RAD51: variants seen among roughly 807,000 people sequenced by gnomAD.
RAD51 encodes DNA repair protein RAD51 homolog 1.
A neutral mutation model predicts 41.5 loss-of-function variants in RAD51; 14 were observed. The ratio of observed to expected loss-of-function variants is 0.34; its 90% CI spans 0.22 to 0.53. RAD51 has a LOEUF of 0.53. Among genes scored for constraint, RAD51 ranks in the 20% least tolerant of loss-of-function variants. The pLI is 0.95. For missense variants in RAD51, 234 were observed against 422.0 expected (o/e 0.55, Z 3.90); for synonymous variants, 136 against 148.6 (o/e 0.92, Z 0.62).
intron 6 of RAD51, among the ~76,000 whole-genome samples, chr15:40,727,232 G>T (rs1896633082): frequency 6.6e-6 from 1 of 151,960 alleles, no homozygotes; most frequent in African/African-American, 2.4e-5. Flanking sequence ...AGAGTGCTGG[G>T]ATTACAAGCA....
intron 2 of RAD51, 143 bp from the exon 3 acceptor site, chr15:40,700,921 C>CT: frequency 3.7e-5 from 38 of 1,019,928 alleles, no homozygotes; most frequent in South Asian, 6.1e-5. Flanking sequence ...AACTTCCCAT[C>CT]TCCCCCCGCC....
At chr15:40,728,202 G>A (rs931289506) in intron 6 of RAD51, among the ~76,000 whole-genome samples, 11 of 152,104 alleles carry the variant, frequency 7.2e-5, no homozygotes, top group African/African-American at 2.4e-4. Context: ...GGTGGCTCAC[G>A]CCTGTAGTCC....
chr15:40,704,776 T>C (rs1173740177), intron 3 of RAD51, among the ~76,000 whole-genome samples: 2 of 151,400 alleles, frequency 1.3e-5, no homozygotes, highest in African/African-American at 4.9e-5. Flanking sequence ...TTCAAGTGAT[T>C]CTTCCACCTC....
chr15:40,708,989 T>C (rs45455000), intron 4 of RAD51, 36 bp from the exon 5 acceptor site: 3 of 1,510,510 alleles, frequency 2.0e-6, no homozygotes, highest in Non-Finnish European at 2.8e-6. Context: ...TACATGTTTG[T>C]ATTATGCTAA....
intron 5 of RAD51, among the ~76,000 whole-genome samples, 193 bp from the exon 6 acceptor site, chr15:40,718,610 GAC>G (rs1471753081): frequency 1.3e-5 from 2 of 152,028 alleles, no homozygotes; most frequent in Non-Finnish European, 2.9e-5. Flanking sequence ...TATGTACTGA[GAC>G]ACAATCAGCT....
At chr15:40,720,894 A>G (rs941721180) in intron 6 of RAD51, among the ~76,000 whole-genome samples, 1 of 152,226 alleles carries the variant, frequency 6.6e-6, no homozygotes, top group Admixed American at 6.5e-5. Flanking sequence ...CTAAAATGGC[A>G]TTCTTGGCCA....
chr15:40,703,726 C>T (rs1166771009), intron 3 of RAD51, among the ~76,000 whole-genome samples: 1 of 151,908 alleles, frequency 6.6e-6, no homozygotes, highest in Non-Finnish European at 1.5e-5. Context: ...TTTTCTCGGG[C>T]AATGCAGCTA....
At chr15:40,711,310 C>T (rs1029131136) in intron 5 of RAD51, among the ~76,000 whole-genome samples, 4 of 152,184 alleles carry the variant, frequency 2.6e-5, no homozygotes, top group Non-Finnish European at 5.9e-5. Context: ...TACCTGTGGT[C>T]CTAGCTACTC....
intron 5 of RAD51, among the ~76,000 whole-genome samples, chr15:40,711,123 G>A (rs1421772922): frequency 6.6e-6 from 1 of 152,128 alleles, no homozygotes; most frequent in Non-Finnish European, 1.5e-5. Context: ...AGGCCAGCAT[G>A]GTGTTTCATG....
At chr15:40,702,430 A>G (rs1895061672) in intron 3 of RAD51, among the ~76,000 whole-genome samples, 1 of 152,194 alleles carries the variant, frequency 6.6e-6, no homozygotes, top group Non-Finnish European at 1.5e-5. Flanking sequence ...TTGAGATGCA[A>G]TATGGTATAG....
At chr15:40,711,962 C>T (rs919814822) in intron 5 of RAD51, among the ~76,000 whole-genome samples, 2 of 151,520 alleles carry the variant, frequency 1.3e-5, no homozygotes, top group African/African-American at 2.4e-5. Flanking sequence ...GTGGCAGCTA[C>T]TTGGGAGGTG....
At chr15:40,719,015 G>A (rs1420232053) in intron 6 of RAD51, 116 bp downstream of exon 6, 1 of 923,226 alleles carries the variant, frequency 1.1e-6, no homozygotes, top group Admixed American at 2.0e-5. Context: ...AAAGTTGTAT[G>A]TGTGGTTCAA....
At chr15:40,704,680 T>C (rs1329131409) in intron 3 of RAD51, among the ~76,000 whole-genome samples, 1 of 150,490 alleles carries the variant, frequency 6.6e-6, no homozygotes, top group East Asian at 2.0e-4. Flanking sequence ...ATTTTTTTTT[T>C]TTTTTTTGAG....
At chr15:40,728,451 C>T (rs895261308) in intron 6 of RAD51, among the ~76,000 whole-genome samples, 12 of 134,334 alleles carry the variant, frequency 8.9e-5, no homozygotes, top group Admixed American at 8.8e-4. Flanking sequence ...GACTCCGTCT[C>T]AAAGAAAAAA....
chr15:40,704,286 G>A (rs531485152), intron 3 of RAD51, among the ~76,000 whole-genome samples: 1 of 151,184 alleles, frequency 6.6e-6, no homozygotes, highest in African/African-American at 2.4e-5. Flanking sequence ...GGATGGTCTT[G>A]ATCTCCTGAC....
At chr15:40,729,391 A>G (rs902924129) in intron 7 of RAD51, 114 bp from the exon 8 acceptor site, 6 of 1,197,300 alleles carry the variant, frequency 5.0e-6, no homozygotes, top group Non-Finnish European at 6.8e-6. Context: ...AAAAAAAAAA[A>G]AAAAAATCTG....
intron 1 of RAD51, 33 bp from the exon 2 acceptor site, chr15:40,698,724 G>A: frequency 6.3e-7 from 1 of 1,577,710 alleles, no homozygotes; most frequent in Non-Finnish European, 8.7e-7. Flanking sequence ...TATTTCTCTA[G>A]TGTTTATACT....
rs1337153504 is a variant in RAD51, at chr15:40,698,791, A to G, written c.33A>G (p.Ala11=). 2 of 1,614,100 alleles carry G rather than the reference A, an allele frequency of 1.2e-6. No individual in the cohort carries two copies. Among genetic ancestry groups the G allele is most frequent in the Middle Eastern group, 1.6e-4 (1 of 6,084 alleles). Residue 11 remains alanine (A), a synonymous_variant, in exon 2 of 10, where the codon GCA becomes GCG. Coordinates refer to ENST00000267868, the MANE Select transcript of RAD51 (RefSeq NM_002875.5). ...TGCAGATGCAGCTTGAAGCAAATGC[A>G]GATACTTCAGTGGAAGAAGAAAGCT... The part of the protein sequence containing the change: MAMQMQLEAN[A]DTSVEEESFG...
intron 2 of RAD51, among the ~76,000 whole-genome samples, chr15:40,699,400 C>A (rs1369017517): frequency 2.0e-5 from 3 of 152,238 alleles, no homozygotes; most frequent in Non-Finnish European, 4.4e-5. Context: ...TCTTTGGCCT[C>A]CCAAAGTGCT....
Sources: allele counts gnomAD v4.1 joint callset (sites outside exome capture counted in the v4.1 genomes callset), GRCh38; gene constraint gnomAD v4.1.1; transcripts MANE v1.5; gene names NCBI Gene and HGNC (gene_info 2026-07-23, HGNC 2026-07-21).